Variants in GALNTL6 observed in about 807,000 individuals in gnomAD.
GALNTL6 encodes the protein polypeptide N-acetylgalactosaminyltransferase like 6.
GALNTL6 carries 46 observed loss-of-function variants against 73.7 expected under a neutral mutation model. The observed-to-expected ratio is 0.62, with a 90% CI of 0.49 to 0.80. The LOEUF is 0.80. GALNTL6 is among the 30% of genes least tolerant of loss of function. The pLI is 0.00. For missense variants in GALNTL6, 604 were observed against 755.0 expected (o/e 0.80, Z 2.34); for synonymous variants, 259 against 263.7 (o/e 0.98, Z 0.17).
intron 2 of GALNTL6, among the ~76,000 whole-genome samples, chr4:171,984,368 C>G (rs1309775331): frequency 6.6e-6 from 1 of 152,146 alleles, no homozygotes; most frequent in Non-Finnish European, 1.5e-5. Flanking sequence ...AAAGCAGGCA[C>G]TTTTAAAAGG....
At chr4:172,756,731 G>T (rs945848897) in intron 5 of GALNTL6, among the ~76,000 whole-genome samples, 2 of 152,036 alleles carry the variant, frequency 1.3e-5, no homozygotes, top group Admixed American at 6.5e-5. Context: ...TGATTATAAA[G>T]AAATTAATGC....
At chr4:172,831,507 A>T (rs1191204928) in intron 7 of GALNTL6, among the ~76,000 whole-genome samples, 2 of 152,212 alleles carry the variant, frequency 1.3e-5, no homozygotes, top group Non-Finnish European at 1.5e-5. Context: ...ACCTTGAAAG[A>T]TCAGCACAAA....
intron 2 of GALNTL6, among the ~76,000 whole-genome samples, chr4:172,072,349 C>T (rs2110904255): frequency 6.6e-6 from 1 of 151,664 alleles, no homozygotes; most frequent in Non-Finnish European, 1.5e-5. Context: ...GGGTTTTTTT[C>T]TACTTATCTT....
intron 2 of GALNTL6, among the ~76,000 whole-genome samples, chr4:172,127,223 G>A (rs1163692300): frequency 6.6e-6 from 1 of 152,186 alleles, no homozygotes; most frequent in Non-Finnish European, 1.5e-5. Context: ...AGCATGTAGG[G>A]GCCTGAAGTC....
chr4:172,250,820 T>G (rs989588041), intron 3 of GALNTL6, among the ~76,000 whole-genome samples: 1 of 152,118 alleles, frequency 6.6e-6, no homozygotes, highest in African/African-American at 2.4e-5. Flanking sequence ...CAGAGGAAAA[T>G]GGGACCTTGA....
At chr4:172,194,570 G>A (rs185689003) in intron 2 of GALNTL6, among the ~76,000 whole-genome samples, 9 of 152,318 alleles carry the variant, frequency 5.9e-5, no homozygotes, top group East Asian at 1.9e-4. Context: ...CCTATAAAGC[G>A]AAGCCCATCA....
intron 2 of GALNTL6, among the ~76,000 whole-genome samples, chr4:172,053,039 C>T (rs888996021): frequency 6.6e-6 from 1 of 152,072 alleles, no homozygotes; most frequent in Non-Finnish European, 1.5e-5. Context: ...AAATAATATT[C>T]AAGACTTATG....
chr4:172,456,001 A>T (rs1427386680), intron 5 of GALNTL6, among the ~76,000 whole-genome samples: 1 of 152,144 alleles, frequency 6.6e-6, no homozygotes, highest in Non-Finnish European at 1.5e-5. Context: ...CCAGAGGAAG[A>T]AACAGGCAGC....
At chr4:171,855,995 A>ATGG (rs1735680060) in intron 2 of GALNTL6, among the ~76,000 whole-genome samples, 3 of 152,188 alleles carry the variant, frequency 2.0e-5, no homozygotes, top group Non-Finnish European at 4.4e-5. Flanking sequence ...TATATTTTGA[A>ATGG]TAATAATTCT....
intron 3 of GALNTL6, among the ~76,000 whole-genome samples, chr4:172,291,720 C>T (rs1040810745): frequency 1.3e-5 from 2 of 151,640 alleles, no homozygotes; most frequent in Non-Finnish European, 2.9e-5. Flanking sequence ...ACGCTTATCC[C>T]GCCACCCCCC....
chr4:171,908,204 A>G, intron 2 of GALNTL6, among the ~76,000 whole-genome samples: 1 of 152,238 alleles, frequency 6.6e-6, no homozygotes, highest in East Asian at 1.9e-4. Flanking sequence ...CAGAGTGAAC[A>G]GGCAACCTAC....
At chr4:172,379,546 A>AAAAG (rs1743189786) in intron 5 of GALNTL6, among the ~76,000 whole-genome samples, 1 of 145,392 alleles carries the variant, frequency 6.9e-6, no homozygotes, top group Admixed American at 6.7e-5. Flanking sequence ...CAAAAAAAAA[A>AAAAG]AAAAAAAAAA....
chr4:172,890,808 T>C (rs878994890), intron 8 of GALNTL6, among the ~76,000 whole-genome samples: 1 of 152,150 alleles, frequency 6.6e-6, no homozygotes, highest in Non-Finnish European at 1.5e-5. Flanking sequence ...TAGTCCCTAT[T>C]ATTGTGTGGC....
At chr4:172,153,859 A>G (rs1427846073) in intron 2 of GALNTL6, among the ~76,000 whole-genome samples, 1 of 152,186 alleles carries the variant, frequency 6.6e-6, no homozygotes, top group Non-Finnish European at 1.5e-5. Context: ...ATGCTTGCAG[A>G]CTCATCAAAG....
intron 5 of GALNTL6, among the ~76,000 whole-genome samples, chr4:172,586,915 T>C (rs1370207810): frequency 6.6e-6 from 1 of 152,162 alleles, no homozygotes; most frequent in Non-Finnish European, 1.5e-5. Flanking sequence ...ACCTTCTAAT[T>C]TGGAAAACAG....
intron 4 of GALNTL6, among the ~76,000 whole-genome samples, chr4:172,317,809 T>G (rs1740615494): frequency 6.6e-6 from 1 of 152,206 alleles, no homozygotes; most frequent in Non-Finnish European, 1.5e-5. Context: ...TGAATAGCAC[T>G]AGTTGATTGC....
intron 5 of GALNTL6, among the ~76,000 whole-genome samples, chr4:172,398,635 T>A (rs1426525450): frequency 2.6e-5 from 4 of 152,206 alleles, no homozygotes; most frequent in African/African-American, 9.6e-5. Flanking sequence ...ACCTGTGAAA[T>A]GATTTCTTGA....
intron 5 of GALNTL6, among the ~76,000 whole-genome samples, chr4:172,540,113 C>G (rs1321962109): frequency 6.9e-6 from 1 of 145,824 alleles, no homozygotes; most frequent in Non-Finnish European, 1.5e-5. Flanking sequence ...TGCAATAGTG[C>G]GATCTCAGCC....
At chr4:171,936,902 T>G (rs971656042) in intron 2 of GALNTL6, among the ~76,000 whole-genome samples, 2 of 152,176 alleles carry the variant, frequency 1.3e-5, no homozygotes, top group Non-Finnish European at 2.9e-5. Context: ...GATTACATCA[T>G]AGAGTAGATA....
Sources: gnomAD v4.1 joint callset for allele counts (sites outside exome capture counted in the v4.1 genomes callset) on GRCh38, gnomAD v4.1.1 for gene constraint, MANE v1.5 for transcripts, NCBI Gene and HGNC (gene_info 2026-07-23, HGNC 2026-07-21) for gene names.